NRXN2: variants seen among roughly 807,000 people sequenced by gnomAD.
NRXN2 encodes neurexin-2-beta.
Under a neutral mutation model 128.8 loss-of-function variants are expected in NRXN2, and 29 were observed. The ratio of observed to expected loss-of-function variants is 0.23; its 90% CI spans 0.17 to 0.31. NRXN2 has a LOEUF of 0.31. NRXN2 is among the 10% of genes least tolerant of loss of function. The probability of loss-of-function intolerance (pLI) is 1.00; values close to 1 mark genes in which losing one functional copy is unlikely to be tolerated. For synonymous variants in NRXN2, 1,098 were observed against 1,075.2 expected (o/e 1.02, Z -0.41); for missense variants, 1,881 against 2,452.6 (o/e 0.77, Z 4.92).
At chr11:64,668,366 G>A in intron 8 of NRXN2, 77 bp downstream of exon 8, 1 of 1,578,126 alleles carries the variant, frequency 6.3e-7, no homozygotes, top group Non-Finnish European at 8.6e-7. Context: ...CAACTAGCCA[G>A]GTCAGACTAA....
In NRXN2 at chr11:64,635,306, C is replaced by T. The variant is rs199588805; in HGVS notation, c.3550G>A (p.Ala1184Thr). The change falls in exon 18 of 23, where the codon GCC becomes ACC. Residue 1184 changes from alanine (A) to threonine (T), a missense_variant. Physicochemically the swap from Ala to Thr is moderately conservative, Grantham distance 58. Around this residue, in one of 7 missense-constraint regions of NRXN2, gnomAD observed 390 missense variants for 599.6 expected, o/e 0.65. Transcript: ENST00000265459. This position sits in a 1 kb window ranked among gnomAD's most constrained non-coding sequence, Gnocchi z 4.8. ...RSAVLVRVDS[A>T]SGLGDYLQLH... ...TGCAGGTAGTCTCCAAGGCCGGAGGCGCTGTCCACCCGCACCAGCACAGCG... is the reference window on the plus strand; with the variant it reads ...TGCAGGTAGTCTCCAAGGCCGGAGGTGCTGTCCACCCGCACCAGCACAGCG... 15 of 1,613,320 alleles carry T rather than the reference C, an allele frequency of 9.3e-6. No homozygotes were observed. Among genetic ancestry groups the T allele is most frequent in the Middle Eastern group, 1.7e-4 (1 of 5,996 alleles).
rs1188012319 is a variant in NRXN2, at chr11:64,690,400, C to A, written c.850+5G>T. 6.2e-7 allele frequency: 1 copy of A among 1,611,920 alleles called. No homozygotes were observed. Among genetic ancestry groups the A allele is most frequent in the Non-Finnish European group, 8.5e-7 (1 of 1,179,282 alleles). On this transcript the variant is annotated splice_donor_5th_base_variant and intron_variant, in intron 5 of 22. Coordinates refer to ENST00000265459, the MANE Select transcript of NRXN2 (RefSeq NM_015080.4). ...GGCTCTCTGGGGACCATGGGGGTCACTGACCTTTTGTTGGCTGGTGCACAT... is the reference window on the plus strand; with the variant it reads ...GGCTCTCTGGGGACCATGGGGGTCAATGACCTTTTGTTGGCTGGTGCACAT...
intron 7 of NRXN2, chr11:64,675,561 C>T (rs2051193640): frequency 6.6e-6 from 1 of 152,222 alleles, no homozygotes; most frequent in South Asian, 2.1e-4. Context: ...AGTCACTCTG[C>T]ATTATTAATA....
chr11:64,646,384 T>C (rs749215788), intron 17 of NRXN2: 5 of 152,346 alleles, frequency 3.3e-5, no homozygotes, highest in Non-Finnish European at 7.3e-5. Flanking sequence ...AAGGCTCCAC[T>C]GTGTGGGAGT....
chr11:64,670,139 T>C (rs2050433729), intron 7 of NRXN2, among the ~76,000 whole-genome samples: 1 of 151,802 alleles, frequency 6.6e-6, no homozygotes, highest in Non-Finnish European at 1.5e-5. Context: ...TCGCAGTGAA[T>C]AGGGTAGAGC....
At chr11:64,690,511 G>A (rs1180721845) in intron 4 of NRXN2, 35 bp from the exon 5 acceptor site, 1 of 1,579,308 alleles carries the variant, frequency 6.3e-7, no homozygotes, top group East Asian at 2.3e-5. Context: ...AGGCACAGGG[G>A]GTACCGAGCC....
chr11:64,630,440 T>C lies in NRXN2; in HGVS notation c.3719A>G (p.Gln1240Arg), dbSNP rs1350463960. The C allele has an allele frequency of 3.1e-6, 5 of 1,612,842 alleles. No individual in the cohort carries two copies. The highest frequency in any genetic ancestry group is 4.2e-6 in the Non-Finnish European group (5 of 1,179,626). The change falls in exon 19 of 23, where the codon CAG becomes CGG. Residue 1240 changes from glutamine to arginine, a missense_variant. By Grantham distance (43) the Gln-to-Arg change is conservative. Around this residue, in one of 7 missense-constraint regions of NRXN2, gnomAD observed 390 missense variants for 599.6 expected, o/e 0.65. Coordinates refer to ENST00000265459, the MANE Select transcript of NRXN2 (RefSeq NM_015080.4). The surrounding 1 kb of genome is among the most constrained non-coding windows in gnomAD (Gnocchi z 4.6). ...FTRSGGNATL[Q>R]VDSWPVNERY... ...CTCGTTGACCGGCCAGCTGTCCACC[T>C]GCAGGGTGGCGTTGCCGCCGCTTCG...
intron 6 of NRXN2, among the ~76,000 whole-genome samples, chr11:64,678,462 C>T (rs1282162737): frequency 1.3e-5 from 2 of 152,102 alleles, no homozygotes; most frequent in East Asian, 1.9e-4. Context: ...CTTTCATGTA[C>T]ACCCATAAAC....
chr11:64,646,006 C>A (rs1204055290), intron 17 of NRXN2, among the ~76,000 whole-genome samples: 1 of 152,172 alleles, frequency 6.6e-6, no homozygotes, highest in Non-Finnish European at 1.5e-5. Context: ...AGAAACAGAG[C>A]ATGAAAAACC....
At chr11:64,634,466 G>A (rs1565238598) in intron 18 of NRXN2, among the ~76,000 whole-genome samples, 1 of 152,296 alleles carries the variant, frequency 6.6e-6, no homozygotes, top group South Asian at 2.1e-4. Flanking sequence ...GCAGACTAGA[G>A]TTCAACAGGA....
Position 64,606,975 on chromosome 11 carries a change from G to C in NRXN2, c.*221C>G. The C allele has an allele frequency of 5.1e-6, 3 of 582,690 alleles. No homozygotes were observed. In the South Asian group the frequency reaches 6.3e-5, roughly 12 times the overall value. 36.1% of individuals were successfully genotyped at this position (582,690 alleles called of 1,614,324 possible). On this transcript the variant is annotated 3_prime_UTR_variant, in exon 23 of 23. Coordinates refer to ENST00000265459, the MANE Select transcript of NRXN2 (RefSeq NM_015080.4). Reference sequence around the variant, plus strand: ...CTGCCTGGCAGGCGCAGAGCTGAGAGGGACAGTCAGCCCCGGGACTGACGA... The same window carrying C: ...CTGCCTGGCAGGCGCAGAGCTGAGACGGACAGTCAGCCCCGGGACTGACGA...
At chr11:64,697,648 C>T in intron 3 of NRXN2, 127 bp downstream of exon 3, 1 of 1,093,194 alleles carries the variant, frequency 9.1e-7, no homozygotes, top group Non-Finnish European at 1.4e-6. Flanking sequence ...GGACCCCAGA[C>T]ATCCTTCTCC....
At position 64,660,845 on chromosome 11, in the gene NRXN2, G is replaced by C; in HGVS notation, c.2093C>G (p.Pro698Arg). The C allele has an allele frequency of 6.2e-7, 1 of 1,614,004 alleles. No individual in the cohort carries two copies. The highest frequency in any genetic ancestry group is 8.5e-7 in the Non-Finnish European group (1 of 1,179,980). ...RETLKQCASA[P>R]CRNGGVCREG... ...TCGACAGACGCCCCCATTGCGACAGGGGGCAGATGCACACTGCTTCAGCGT... is the reference window on the plus strand; with the variant it reads ...TCGACAGACGCCCCCATTGCGACAGCGGGCAGATGCACACTGCTTCAGCGT... The change falls in exon 10 of 23, where the codon CCC (proline) becomes CGC (arginine). Residue 698 changes from proline to arginine, a missense_variant. Physicochemically the swap from Pro to Arg is moderately radical, Grantham distance 103. Around this residue, in one of 7 missense-constraint regions of NRXN2, gnomAD observed 997 missense variants for 1,240.8 expected, o/e 0.80. Coordinates refer to ENST00000265459, the MANE Select transcript of NRXN2 (RefSeq NM_015080.4). The surrounding 1 kb of genome is among the most constrained non-coding windows in gnomAD (Gnocchi z 5.2).
intron 7 of NRXN2, among the ~76,000 whole-genome samples, chr11:64,669,521 G>A (rs1024465348): frequency 2.0e-5 from 3 of 152,156 alleles, no homozygotes; most frequent in Non-Finnish European, 2.9e-5. Context: ...AAGAAAGCAG[G>A]ATGAGCAGGA....
rs1413647648 is a variant in NRXN2 at position 64,690,458 on chromosome 11, G to A, written c.797C>T (p.Ser266Phe). The change falls in exon 5 of 23, where the codon TCC becomes TTC. Residue 266 changes from serine to phenylalanine, a missense_variant. Ser to Phe is a radical substitution (Grantham distance 155). This residue lies in a region of NRXN2 where 997 missense variants were observed against 1,240.8 expected (regional missense o/e 0.80). Transcript: ENST00000265459. ...TCCTCCTCTCCCGGCCCCCCCCTCG[G>A]AGAACAGTAAGGACCCTACTGGAGA... ...LNSEVGSLLF[S>F]EGGAGRGGAG... 4 of 1,613,594 alleles carry A rather than the reference G, an allele frequency of 2.5e-6. No homozygotes were observed. Among genetic ancestry groups the A allele is most frequent in the Non-Finnish European group, 3.4e-6 (4 of 1,179,900 alleles).
At chr11:64,677,587 T>C (rs1160442037) in intron 6 of NRXN2, among the ~76,000 whole-genome samples, 1 of 151,978 alleles carries the variant, frequency 6.6e-6, no homozygotes, top group Admixed American at 6.6e-5. Context: ...ACACACAGAG[T>C]CGGCAACGGG....
intron 9 of NRXN2, among the ~76,000 whole-genome samples, chr11:64,663,472 A>G (rs940012741): frequency 2.6e-5 from 4 of 151,782 alleles, no homozygotes. Flanking sequence ...CAGATGACCC[A>G]TGGTCCTGAC....
In NRXN2 at chr11:64,651,216, G is replaced by A. The variant is rs547866821; in HGVS notation, c.2918+39C>T. On this transcript the variant is annotated intron_variant, in intron 14 of 22. Coordinates refer to ENST00000265459, the MANE Select transcript of NRXN2 (RefSeq NM_015080.4). This position sits in a 1 kb window ranked among gnomAD's most constrained non-coding sequence, Gnocchi z 5.9. ...GTATGTGGTTCAGCAGGGGGAGGGG[G>A]CCACCTCCTTGACAGCAGTGCAATC... The A allele has an allele frequency of 4.6e-5, 74 of 1,612,222 alleles. No individual in the cohort carries two copies. Among genetic ancestry groups the A allele is most frequent in the Middle Eastern group, 1.7e-4 (1 of 5,814 alleles).
In NRXN2 at chr11:64,713,102, C is replaced by T. The variant is rs797045803; in HGVS notation, c.598G>A (p.Ala200Thr). 1.7e-3 allele frequency: 2,248 copies of T among 1,333,942 alleles called. 4 individuals carry two copies. The highest frequency in any genetic ancestry group is 2.0e-3 in the Non-Finnish European group (2,115 of 1,049,450). 82.6% of individuals were successfully genotyped at this position (1,333,942 alleles called of 1,614,324 possible). A position where few individuals can be genotyped will look rare whatever the true frequency, so the allele number is the denominator to read the frequency against. ...ALLGSQGLRG[A>T]TADPLCAPAR... ...GGCGCGCACAGCGGGTCGGCGGTGG[C>T]GCCGCGCAGGCCCTGGCTGCCCAGC... The change falls in exon 2 of 23, where the codon GCC becomes ACC. Residue 200 changes from alanine to threonine, a missense_variant. This residue lies in a region of NRXN2 where 997 missense variants were observed against 1,240.8 expected (regional missense o/e 0.80). Coordinates refer to ENST00000265459, the MANE Select transcript of NRXN2 (RefSeq NM_015080.4).
Sources: allele counts gnomAD v4.1 joint callset (sites outside exome capture counted in the v4.1 genomes callset), GRCh38; gene constraint gnomAD v4.1.1; regional missense constraint gnomAD v4.1.1; non-coding constraint Gnocchi (gnomAD v3.1); transcripts MANE v1.5; gene names NCBI Gene and HGNC (gene_info 2026-07-23, HGNC 2026-07-21).